CROT: variants seen among roughly 807,000 people sequenced by gnomAD.
The protein encoded by CROT is peroxisomal carnitine O-octanoyltransferase.
Under a neutral mutation model 89.2 loss-of-function variants are expected in CROT, and 84 were observed. That is an observed-to-expected ratio of 0.94 (90% CI 0.79 to 1.13). The LOEUF (loss-of-function observed/expected upper bound fraction) is 1.13, where lower values mean the gene tolerates loss of function less well. Ranked by LOEUF, CROT falls within the 50% of genes most tolerant of loss-of-function variation. The probability of loss-of-function intolerance (pLI) is 0.00; values close to 1 mark genes in which losing one functional copy is unlikely to be tolerated. For synonymous variants in CROT, 212 were observed against 239.5 expected (o/e 0.89, Z 1.06); for missense variants, 711 against 727.8 (o/e 0.98, Z 0.27).
intron 13 of CROT, among the ~76,000 whole-genome samples, chr7:87,384,550 AT>A (rs1807131820): frequency 6.6e-6 from 1 of 152,132 alleles, no homozygotes; most frequent in Non-Finnish European, 1.5e-5. Context: ...AAAAAAGATT[AT>A]TTGTCCATTT....
intron 17 of CROT, among the ~76,000 whole-genome samples, chr7:87,395,894 T>C (rs1036820296): frequency 6.6e-6 from 1 of 152,118 alleles, no homozygotes; most frequent in East Asian, 1.9e-4. Flanking sequence ...TCACCAAGGA[T>C]TGTCTTTTAC....
chr7:87,392,916 C>T, intron 16 of CROT, 32 bp from the exon 17 acceptor site: 5 of 1,612,614 alleles, frequency 3.1e-6, no homozygotes, highest in Non-Finnish European at 4.2e-6. Context: ...ATCTGTAGGC[C>T]TAGTAAAATG....
At chr7:87,398,376 T>C (rs1807618466) in intron 17 of CROT, 148 bp from the exon 18 acceptor site, 2 of 941,456 alleles carry the variant, frequency 2.1e-6, no homozygotes, top group East Asian at 2.5e-5. Flanking sequence ...TGGCTTTACC[T>C]TCAATTGTGT....
intron 17 of CROT, among the ~76,000 whole-genome samples, chr7:87,395,568 A>G (rs1807498426): frequency 6.6e-6 from 1 of 152,222 alleles, no homozygotes; most frequent in South Asian, 2.1e-4. Flanking sequence ...TTTGTCTGTA[A>G]AGCTGTTAAC....
At chr7:87,381,835 A>G in intron 10 of CROT, 75 bp from the exon 11 acceptor site, 3 of 990,464 alleles carry the variant, frequency 3.0e-6, no homozygotes, top group Non-Finnish European at 3.1e-6. Flanking sequence ...AATGGACACA[A>G]AGTGAAAATA....
chr7:87,357,628 G>C (rs895850041), intron 3 of CROT: 1 of 821,340 alleles, frequency 1.2e-6, no homozygotes, highest in African/African-American at 1.7e-5. Context: ...ACAGCTTATT[G>C]AAAGCTACTC....
intron 17 of CROT, among the ~76,000 whole-genome samples, chr7:87,394,632 G>A (rs1045220444): frequency 1.3e-5 from 2 of 151,562 alleles, no homozygotes; most frequent in African/African-American, 4.8e-5. Context: ...TTTGCAAAAT[G>A]CCTTTTGATC....
chr7:87,377,576 A>G lies in CROT; in HGVS notation c.978+126A>G, dbSNP rs79549539. 1,650 of 597,080 alleles carry G rather than the reference A, an allele frequency of 2.8e-3. 22 individuals carry two copies. Among genetic ancestry groups the G allele is most frequent in the African/African-American group, 0.025 (1,318 of 53,302 alleles). 37.0% of individuals were successfully genotyped at this position (597,080 alleles called of 1,614,324 possible). On this transcript the variant is annotated intron_variant, in intron 10 of 17. Transcript: ENST00000331536. ...AATTTAGTTTTATGGCACTGTGGTG[A>G]AAAGTTTAGTTATGAATTCTCATTG...
At chr7:87,361,600 G>C (rs1197674651) in intron 5 of CROT, 29 bp downstream of exon 5, 3 of 1,560,862 alleles carry the variant, frequency 1.9e-6, no homozygotes, top group Non-Finnish European at 2.6e-6. Context: ...TTAGTGACAG[G>C]CTTACCTGAA....
intron 3 of CROT, among the ~76,000 whole-genome samples, chr7:87,353,417 G>A (rs1245437671): frequency 1.3e-5 from 2 of 152,094 alleles, no homozygotes; most frequent in East Asian, 1.9e-4. Flanking sequence ...CCAACATGCT[G>A]GGATTACAGG....
chr7:87,393,125 G>T, intron 17 of CROT, 58 bp downstream of exon 17: 5 of 1,536,446 alleles, frequency 3.3e-6, no homozygotes, highest in East Asian at 2.3e-5. Context: ...TATTACTTTT[G>T]TTTTTAAATG....
intron 3 of CROT, chr7:87,357,545 G>C (rs1191028355): frequency 6.7e-7 from 1 of 1,484,948 alleles, no homozygotes; most frequent in African/African-American, 1.4e-5. Flanking sequence ...TCTTGATCCA[G>C]ATGCTAAGAG....
chr7:87,390,927 G>A (rs1174306184), intron 13 of CROT, among the ~76,000 whole-genome samples: 1 of 152,154 alleles, frequency 6.6e-6, no homozygotes, highest in Non-Finnish European at 1.5e-5. Flanking sequence ...AATTTTGTGG[G>A]TCATTTTTTG....
intron 10 of CROT, among the ~76,000 whole-genome samples, chr7:87,379,627 C>T (rs942369601): frequency 1.3e-5 from 2 of 152,242 alleles, no homozygotes; most frequent in African/African-American, 4.8e-5. Context: ...GCATATCTCT[C>T]AGCATAACTG....
At chr7:87,351,486 C>T (rs1209729433) in intron 3 of CROT, among the ~76,000 whole-genome samples, 18 of 150,740 alleles carry the variant, frequency 1.2e-4, no homozygotes, top group Admixed American at 9.2e-4. Context: ...GAAGGGAGGC[C>T]GTAGTTTGTG....
chr7:87,361,335 T>A (rs577793067), intron 4 of CROT, 55 bp from the exon 5 acceptor site: 1 of 1,464,460 alleles, frequency 6.8e-7, no homozygotes, highest in African/African-American at 1.4e-5. Context: ...TTCCCAGTAG[T>A]TACACATTCA....
intron 6 of CROT, among the ~76,000 whole-genome samples, chr7:87,364,285 C>T (rs898873701): frequency 5.9e-5 from 9 of 152,150 alleles, no homozygotes; most frequent in Non-Finnish European, 1.3e-4. Context: ...CAGTGCTGAT[C>T]CTTATCACAG....
At chr7:87,372,006 A>C (rs796823346) in intron 7 of CROT, among the ~76,000 whole-genome samples, 1,368 of 108,002 alleles carry the variant, frequency 0.013, 16 homozygotes, top group African/African-American at 0.039. Flanking sequence ...AAAAAAAAAA[A>C]CAAAAAAAAA....
In CROT at chr7:87,352,092, T is replaced by C. The variant is rs114934410; in HGVS notation, c.115+2909T>C. On this transcript the variant is annotated intron_variant, in intron 3 of 17. Coordinates refer to ENST00000331536, the MANE Select transcript of CROT (RefSeq NM_021151.4). ...CTGAATTCCAAGAAGAGGAAAGATA[T>C]GGCAAGTCATGTCCAATCTCCCTGC... is the stretch of plus-strand genomic sequence containing the variant. Among the ~76,000 whole-genome samples the C allele has an allele frequency of 5.5e-3, 840 of 152,364 alleles. 4 individuals carry two copies. The highest frequency in any genetic ancestry group is 0.019 in the African/African-American group (800 of 41,588).
Sources: allele counts gnomAD v4.1 joint callset (sites outside exome capture counted in the v4.1 genomes callset), GRCh38; gene constraint gnomAD v4.1.1; transcripts MANE v1.5; gene names NCBI Gene and HGNC (gene_info 2026-07-23, HGNC 2026-07-21).